The following TRABD2B variants were observed in gnomAD, a reference collection of about 807,000 sequenced individuals.
TRABD2B encodes TraB domain containing 2B.
A neutral mutation model predicts 40.1 loss-of-function variants in TRABD2B; 14 were observed. That is an observed-to-expected ratio of 0.35 (90% confidence interval 0.23 to 0.55). TRABD2B has a LOEUF of 0.55. TRABD2B is among the 20% of genes least tolerant of loss of function. The pLI is 0.90. For synonymous variants in TRABD2B, 263 were observed against 277.0 expected (o/e 0.95, Z 0.50); for missense variants, 541 against 648.6 (o/e 0.83, Z 1.80).
At chr1:47,843,303 T>C (rs543031990) in intron 2 of TRABD2B, among the ~76,000 whole-genome samples, 78 of 152,148 alleles carry the variant, frequency 5.1e-4, no homozygotes, top group Non-Finnish European at 9.6e-4. Context: ...GCAGGGACCC[T>C]GGTCCAGCGG....
chr1:47,974,837 A>G (rs777299332), intron 2 of TRABD2B, among the ~76,000 whole-genome samples: 1 of 152,248 alleles, frequency 6.6e-6, no homozygotes, highest in African/African-American at 2.4e-5. Flanking sequence ...TAATATCAAC[A>G]GTAATAAGTC....
chr1:47,972,398 T>G (rs1423446312), intron 2 of TRABD2B, among the ~76,000 whole-genome samples: 1 of 151,760 alleles, frequency 6.6e-6, no homozygotes, highest in Non-Finnish European at 1.5e-5. Flanking sequence ...CAAATTCATG[T>G]GCTGAAATTC....
At chr1:47,936,535 C>T (rs971766415) in intron 2 of TRABD2B, among the ~76,000 whole-genome samples, 2 of 152,098 alleles carry the variant, frequency 1.3e-5, no homozygotes, top group Middle Eastern at 3.2e-3. Flanking sequence ...TCTAGGAAAG[C>T]GTATCTTCAG....
At chr1:47,985,425 G>C (rs1294885872) in intron 2 of TRABD2B, among the ~76,000 whole-genome samples, 2 of 152,270 alleles carry the variant, frequency 1.3e-5, no homozygotes, top group Non-Finnish European at 2.9e-5. Flanking sequence ...GTGACAGAGT[G>C]TCAGCATTCA....
intron 2 of TRABD2B, among the ~76,000 whole-genome samples, chr1:47,826,233 C>T (rs1000933019): frequency 6.6e-6 from 1 of 152,110 alleles, no homozygotes; most frequent in African/African-American, 2.4e-5. Context: ...GGAGAAATAC[C>T]TATCTTTCTA....
At chr1:47,953,877 T>C (rs1645380732) in intron 2 of TRABD2B, among the ~76,000 whole-genome samples, 1 of 152,220 alleles carries the variant, frequency 6.6e-6, no homozygotes, top group African/African-American at 2.4e-5. Flanking sequence ...TTCTAGTAAA[T>C]GGCTCAGCCT....
Position 47,984,269 on chromosome 1 carries a change from G to A in TRABD2B, c.666+9765C>T, listed in dbSNP as rs535182422. On this transcript the variant is annotated intron_variant, in intron 2 of 6. Coordinates refer to ENST00000606738, the MANE Select transcript of TRABD2B (RefSeq NM_001194986.2). ...CACCGCAGGAACGCCTCGCCCCGAG[G>A]TGCCTGTCCGCAGGGCTCCGCCTGT... Among the ~76,000 whole-genome samples, 3 of 152,362 alleles carry A rather than the reference G, an allele frequency of 2.0e-5. No homozygotes were observed. In the East Asian group the frequency reaches 5.8e-4, roughly 29 times the overall value.
At chr1:47,857,944 C>T (rs1282332736) in intron 2 of TRABD2B, among the ~76,000 whole-genome samples, 1 of 131,462 alleles carries the variant, frequency 7.6e-6, no homozygotes, top group African/African-American at 2.9e-5. Flanking sequence ...TACTTGCAGA[C>T]AGGTGAGTAC....
rs183620967 is a variant in TRABD2B, at chr1:47,801,805, C to T, written c.667-186G>A. On this transcript the variant is annotated intron_variant, in intron 2 of 6. Transcript: ENST00000606738. ...TGCTCCTGCCTCATGTCTCTGAGCA[C>T]GTTCAGCCTGCTCTCACCTCCAGCC... Among the ~76,000 whole-genome samples the T allele has an allele frequency of 1.6e-3, 238 of 152,300 alleles. 3 individuals carry two copies. The highest frequency in any genetic ancestry group is 0.014 in the Admixed American group (207 of 15,296).
chr1:47,770,726 T>C (rs773115141), intron 6 of TRABD2B, among the ~76,000 whole-genome samples: 4 of 152,222 alleles, frequency 2.6e-5, no homozygotes, highest in African/African-American at 4.8e-5. Flanking sequence ...TAGCACTAAA[T>C]GCAGTATGTG....
chr1:47,879,168 G>A (rs781488481), intron 2 of TRABD2B, among the ~76,000 whole-genome samples: 7 of 151,394 alleles, frequency 4.6e-5, no homozygotes, highest in East Asian at 1.9e-4. Flanking sequence ...GAAGCATTAC[G>A]ATAAAAAGTA....
intron 2 of TRABD2B, among the ~76,000 whole-genome samples, chr1:47,897,063 G>A (rs1452383478): frequency 6.6e-6 from 1 of 152,128 alleles, no homozygotes; most frequent in Non-Finnish European, 1.5e-5. Context: ...AAAAAACATA[G>A]CAAGTAAATT....
At chr1:47,913,769 G>A (rs1456233752) in intron 2 of TRABD2B, among the ~76,000 whole-genome samples, 1 of 152,118 alleles carries the variant, frequency 6.6e-6, no homozygotes, top group South Asian at 2.1e-4. Flanking sequence ...GAAAACATCA[G>A]GAAAAGTACA....
intron 2 of TRABD2B, among the ~76,000 whole-genome samples, chr1:47,826,897 G>C (rs527908813): frequency 2.3e-4 from 35 of 152,294 alleles, no homozygotes; most frequent in Non-Finnish European, 3.7e-4. Context: ...TGGAGAAGAT[G>C]ATGTTTAGGA....
At chr1:47,810,332 TA>T (rs761721800) in intron 2 of TRABD2B, among the ~76,000 whole-genome samples, 1 of 152,016 alleles carries the variant, frequency 6.6e-6, no homozygotes, top group African/African-American at 2.4e-5. Flanking sequence ...AGCCTCCCAA[TA>T]AACTAGGACA....
intron 6 of TRABD2B, among the ~76,000 whole-genome samples, chr1:47,774,693 G>A (rs141025917): frequency 6.6e-6 from 1 of 152,348 alleles, no homozygotes; most frequent in East Asian, 1.9e-4. Context: ...ACAGCTTCAA[G>A]GGCATTGATC....
chr1:47,934,498 C>T (rs12754783), intron 2 of TRABD2B, among the ~76,000 whole-genome samples: 62,579 of 152,224 alleles, frequency 0.41, 15,895 homozygotes, highest in Middle Eastern at 0.6. Flanking sequence ...GCGGGAGGGG[C>T]AGGCGGGCCC....
chr1:47,862,538 T>C (rs1643988479), intron 2 of TRABD2B, among the ~76,000 whole-genome samples: 1 of 140,608 alleles, frequency 7.1e-6, no homozygotes, highest in Non-Finnish European at 1.6e-5. Flanking sequence ...TCTAACAAAA[T>C]ATGCACAAGA....
chr1:47,972,250 C>T (rs930321246), intron 2 of TRABD2B, among the ~76,000 whole-genome samples: 2 of 152,178 alleles, frequency 1.3e-5, no homozygotes, highest in Admixed American at 6.5e-5. Flanking sequence ...CCCATGGGAG[C>T]CACTGAATTC....
Sources: gnomAD v4.1 joint callset for allele counts (sites outside exome capture counted in the v4.1 genomes callset) on GRCh38, gnomAD v4.1.1 for gene constraint, MANE v1.5 for transcripts, NCBI Gene and HGNC (gene_info 2026-07-23, HGNC 2026-07-21) for gene names.